The following ITGA8 variants were observed in gnomAD, a reference collection of about 807,000 sequenced individuals.
ITGA8 encodes the protein integrin subunit alpha 8.
In ITGA8, 91 loss-of-function variants were observed where a neutral mutation model predicts 142.3. The ratio of observed to expected loss-of-function variants is 0.64; its 90% CI spans 0.54 to 0.76. The LOEUF (loss-of-function observed/expected upper bound fraction) is 0.76, where lower values mean the gene tolerates loss of function less well. Ranked by LOEUF, ITGA8 falls within the 30% of genes least tolerant of loss-of-function variation. The pLI is 0.00. For missense variants in ITGA8, 1,406 were observed against 1,327.7 expected (o/e 1.06, Z -0.92); for synonymous variants, 505 against 485.2 (o/e 1.04, Z -0.54).
intron 2 of ITGA8, among the ~76,000 whole-genome samples, chr10:15,694,902 T>C (rs1835023229): frequency 6.6e-6 from 1 of 151,282 alleles, no homozygotes; most frequent in Admixed American, 6.6e-5. Context: ...AGTCTTAAAA[T>C]TACTAACCAC....
chr10:15,614,028 C>G (rs955018058), intron 14 of ITGA8, among the ~76,000 whole-genome samples: 2 of 152,196 alleles, frequency 1.3e-5, no homozygotes, highest in African/African-American at 4.8e-5. Flanking sequence ...AAGTTGCGTA[C>G]ACAACCTAAT....
At chr10:15,695,580 T>A (rs144187384) in intron 2 of ITGA8, among the ~76,000 whole-genome samples, 3 of 152,338 alleles carry the variant, frequency 2.0e-5, no homozygotes, top group African/African-American at 2.4e-5. Context: ...TTTGATTTAA[T>A]TTGATCTGAC....
At chr10:15,607,626 G>T (rs1416515151) in intron 17 of ITGA8, 51 bp downstream of exon 17, 2 of 1,551,884 alleles carry the variant, frequency 1.3e-6, no homozygotes, top group East Asian at 4.5e-5. Context: ...AAAATGGTTG[G>T]AATTTGGATA....
At chr10:15,575,383 C>A (rs1311022568) in intron 24 of ITGA8, 106 bp downstream of exon 24, 2 of 831,252 alleles carry the variant, frequency 2.4e-6, no homozygotes, top group Non-Finnish European at 4.0e-6. Flanking sequence ...CAGCGAGATC[C>A]TGTCTCAATA....
chr10:15,598,395 A>G (rs993338793), intron 20 of ITGA8, among the ~76,000 whole-genome samples: 2 of 152,180 alleles, frequency 1.3e-5, no homozygotes, highest in East Asian at 3.8e-4. Flanking sequence ...GTAAGAGAAT[A>G]ATATAAAATT....
At chr10:15,555,624 C>T (rs557069417) in intron 26 of ITGA8, among the ~76,000 whole-genome samples, 170 of 152,148 alleles carry the variant, frequency 1.1e-3, no homozygotes, top group South Asian at 8.1e-3. Flanking sequence ...CCAGCCAGGA[C>T]TGTGACTGCT....
At chr10:15,527,458 AG>A (rs1376126542) in intron 28 of ITGA8, among the ~76,000 whole-genome samples, 3 of 152,224 alleles carry the variant, frequency 2.0e-5, no homozygotes, top group African/African-American at 7.2e-5. Flanking sequence ...CAAAGGCGAA[AG>A]TTCCTTGGTG....
intron 10 of ITGA8, among the ~76,000 whole-genome samples, chr10:15,657,509 C>CTTT (rs534714654): frequency 0.09 from 10,376 of 115,538 alleles, 712 homozygotes; most frequent in Middle Eastern, 0.12. Context: ...TCTTTTCTTT[C>CTTT]ATTTTTTTTT....
At chr10:15,556,230 T>C (rs1030280075) in intron 26 of ITGA8, among the ~76,000 whole-genome samples, 5 of 151,538 alleles carry the variant, frequency 3.3e-5, no homozygotes, top group Non-Finnish European at 5.9e-5. Flanking sequence ...GGTTTCACCA[T>C]GTTGGCCAGG....
Position 15,561,245 on chromosome 10 carries a change from A to ATATATATATG in ITGA8, c.2638-3053_2638-3044dup, listed in dbSNP as rs1554772748. ...TATATATATATATATGTATATATAT[A>ATATATATATG]TATATATATGTATGTAAAATGTTTA... On this transcript the variant is annotated intron_variant, in intron 25 of 29. Transcript: ENST00000378076. Among the ~76,000 whole-genome samples, 240 of 133,718 alleles carry ATATATATATG rather than the reference A, an allele frequency of 1.8e-3. 1 individual carries two copies. Among genetic ancestry groups the ATATATATATG allele is most frequent in the African/African-American group, 6.6e-3 (228 of 34,586 alleles). 87.7% of individuals were successfully genotyped at this position (133,718 alleles called of 152,430 possible).
rs377605244 is a variant in ITGA8 at position 15,547,753 on chromosome 10, C to A, written c.2880+702G>T. ...CTGCAGGACCACTTGACAAGAGGAA[C>A]CTTCTAGAACAATCTCCCCTTTCCC... is the stretch of plus-strand genomic sequence containing the variant. On this transcript the variant is annotated intron_variant, in intron 27 of 29. Transcript: ENST00000378076. Among the ~76,000 whole-genome samples, 9 of 152,286 alleles carry A rather than the reference C, an allele frequency of 5.9e-5. No homozygotes were observed. The East Asian group carries it at 7.7e-4, about 13-fold the overall frequency.
chr10:15,643,636 G>A (rs917833413), intron 13 of ITGA8, among the ~76,000 whole-genome samples: 1 of 152,132 alleles, frequency 6.6e-6, no homozygotes, highest in Admixed American at 6.5e-5. Context: ...GACACGTTGA[G>A]GTTCATGCTA....
intron 20 of ITGA8, among the ~76,000 whole-genome samples, chr10:15,602,272 T>A (rs1588668551): frequency 6.6e-6 from 1 of 152,368 alleles, no homozygotes; most frequent in South Asian, 2.1e-4. Context: ...TTTGTAGACG[T>A]CATTTTTCTT....
intron 4 of ITGA8, among the ~76,000 whole-genome samples, 190 bp from the exon 5 acceptor site, chr10:15,678,973 A>G (rs991435194): frequency 2.0e-5 from 3 of 152,176 alleles, no homozygotes; most frequent in African/African-American, 7.2e-5. Flanking sequence ...GTTTTCTTAC[A>G]CCAAATAGCG....
rs34510305 is a variant in ITGA8, at chr10:15,657,510, A to ATTTTTTTTTT, written c.948+1479_948+1488dup. Among the ~76,000 whole-genome samples, 159 of 132,498 alleles carry ATTTTTTTTTT rather than the reference A, an allele frequency of 1.2e-3. 2 individuals are homozygous for ATTTTTTTTTT. The highest frequency in any genetic ancestry group is 4.3e-3 in the African/African-American group (153 of 35,188). 86.9% of individuals were successfully genotyped at this position (132,498 alleles called of 152,430 possible). A position where few individuals can be genotyped will look rare whatever the true frequency, so the allele number is the denominator to read the frequency against. Reference sequence around the variant, plus strand: ...TGCTGGTTTCTTTTTCTTTTCTTTCATTTTTTTTTTTTTTTTTTTTTAACA... The same window carrying ATTTTTTTTTT: ...TGCTGGTTTCTTTTTCTTTTCTTTCATTTTTTTTTTTTTTTTTTTTTTTTTTTTTTTAACA... On this transcript the variant is annotated intron_variant, in intron 10 of 29. Coordinates refer to ENST00000378076, the MANE Select transcript of ITGA8 (RefSeq NM_003638.3).
chr10:15,661,101 C>T (rs1024166775), intron 8 of ITGA8, among the ~76,000 whole-genome samples, 179 bp from the exon 9 acceptor site: 4 of 152,150 alleles, frequency 2.6e-5, no homozygotes, highest in Admixed American at 2.0e-4. Context: ...GTTGGGAGCC[C>T]GGCCACACAC....
At chr10:15,675,113 C>T (rs760111902) in intron 6 of ITGA8, among the ~76,000 whole-genome samples, 3 of 152,152 alleles carry the variant, frequency 2.0e-5, no homozygotes, top group Admixed American at 6.5e-5. Context: ...CTCTCTAGGC[C>T]TCCCATCTAT....
chr10:15,689,422 C>G (rs1834892460), intron 2 of ITGA8, among the ~76,000 whole-genome samples: 1 of 152,168 alleles, frequency 6.6e-6, no homozygotes, highest in South Asian at 2.1e-4. Flanking sequence ...CATTTCATCT[C>G]CTAAGCCAGG....
chr10:15,680,512 T>C (rs1415552704), intron 4 of ITGA8, among the ~76,000 whole-genome samples: 1 of 152,130 alleles, frequency 6.6e-6, no homozygotes, highest in African/African-American at 2.4e-5. Flanking sequence ...GTATCAATTT[T>C]CTAGAAGCTC....
Sources: allele counts gnomAD v4.1 joint callset (sites outside exome capture counted in the v4.1 genomes callset), GRCh38; gene constraint gnomAD v4.1.1; transcripts MANE v1.5; gene names NCBI Gene and HGNC (gene_info 2026-07-23, HGNC 2026-07-21).